Variants in RNF121 observed in about 807,000 individuals in gnomAD.
RNF121 encodes the protein ring finger protein 121, also known as E3 ubiquitin ligase RNF121.
Under a neutral mutation model 46.5 loss-of-function variants are expected in RNF121, and 21 were observed. The ratio of observed to expected loss-of-function variants is 0.45; its 90% confidence interval spans 0.32 to 0.65. The LOEUF (loss-of-function observed/expected upper bound fraction) is 0.65. Among genes scored for constraint, RNF121 ranks in the 30% least tolerant of loss-of-function variants. The pLI is 0.04. For synonymous variants in RNF121, 139 were observed against 144.7 expected (o/e 0.96, Z 0.28); for missense variants, 346 against 416.0 (o/e 0.83, Z 1.46).
intron 1 of RNF121, among the ~76,000 whole-genome samples, chr11:71,933,371 C>T (rs1953322358): frequency 1.3e-5 from 2 of 152,170 alleles, no homozygotes; most frequent in Admixed American, 6.5e-5. Context: ...GTATCCCAGC[C>T]TGCAGCTAAC....
intron 1 of RNF121, among the ~76,000 whole-genome samples, chr11:71,947,245 C>T (rs1186333765): frequency 6.6e-6 from 1 of 152,124 alleles, no homozygotes; most frequent in Non-Finnish European, 1.5e-5. Flanking sequence ...TGGTGGCTCA[C>T]ACCTGTAATC....
intron 7 of RNF121, 78 bp downstream of exon 7, chr11:71,994,930 A>G (rs1225436371): frequency 6.3e-7 from 1 of 1,590,720 alleles, no homozygotes; most frequent in Non-Finnish European, 8.6e-7. Flanking sequence ...GAGGGTGGTC[A>G]TGACCCTAGG....
chr11:71,947,151 A>C (rs1037235341), intron 1 of RNF121, among the ~76,000 whole-genome samples: 1 of 152,064 alleles, frequency 6.6e-6, no homozygotes, highest in African/African-American at 2.4e-5. Context: ...GGCTTGAGCC[A>C]CTGTGCCTGG....
At chr11:71,964,579 G>A (rs1282940415) in intron 3 of RNF121, among the ~76,000 whole-genome samples, 4 of 152,068 alleles carry the variant, frequency 2.6e-5, no homozygotes, top group Admixed American at 2.6e-4. Context: ...GCAGGCTCAG[G>A]TGATCCTCCC....
chr11:71,936,378 G>C (rs1953410348), intron 1 of RNF121, among the ~76,000 whole-genome samples: 1 of 137,254 alleles, frequency 7.3e-6, no homozygotes, highest in Non-Finnish European at 1.6e-5. Flanking sequence ...GCTCACCCTT[G>C]CTTTTTTTTC....
At chr11:71,940,675 C>T (rs965923503) in intron 1 of RNF121, among the ~76,000 whole-genome samples, 5 of 152,088 alleles carry the variant, frequency 3.3e-5, no homozygotes, top group African/African-American at 4.8e-5. Flanking sequence ...GCTGGGGACA[C>T]AAAGATGAAA....
At chr11:71,968,272 C>G (rs1954333737) in intron 3 of RNF121, among the ~76,000 whole-genome samples, 1 of 152,174 alleles carries the variant, frequency 6.6e-6, no homozygotes, top group African/African-American at 2.4e-5. Flanking sequence ...GTTGGCCAGG[C>G]TGATCTCGAA....
intron 3 of RNF121, among the ~76,000 whole-genome samples, chr11:71,981,462 A>G (rs186222097): frequency 6.6e-6 from 1 of 152,048 alleles, no homozygotes; most frequent in East Asian, 1.9e-4. Flanking sequence ...GATTTTGTTG[A>G]TGGCATCAGG....
At chr11:71,945,170 T>A (rs1295371663) in intron 1 of RNF121, among the ~76,000 whole-genome samples, 3 of 151,976 alleles carry the variant, frequency 2.0e-5, no homozygotes, top group Non-Finnish European at 2.9e-5. Context: ...AAATTTTTTG[T>A]AGAGATGGAG....
At chr11:71,949,558 C>T (rs951218229) in intron 1 of RNF121, among the ~76,000 whole-genome samples, 6 of 149,536 alleles carry the variant, frequency 4.0e-5, no homozygotes, top group Admixed American at 4.0e-4. Flanking sequence ...TGTACTAAAA[C>T]TACAAAAATT....
intron 1 of RNF121, among the ~76,000 whole-genome samples, chr11:71,956,520 A>G (rs992507529): frequency 6.6e-6 from 1 of 152,250 alleles, no homozygotes; most frequent in Non-Finnish European, 1.5e-5. Flanking sequence ...AGACTACCAA[A>G]TAGAACGAGA....
intron 1 of RNF121, among the ~76,000 whole-genome samples, chr11:71,946,961 G>A (rs1590776885): frequency 6.9e-6 from 1 of 144,718 alleles, no homozygotes; most frequent in East Asian, 2.1e-4. Flanking sequence ...TCCGCTTCCT[G>A]GGTTCCAGCA....
At position 71,959,348 on chromosome 11, in the gene RNF121, C is replaced by G. The variant is rs570151719; in HGVS notation, c.102-1402C>G. ...TGTACAGTGAACACCTTTATACTTA[C>G]CACCTGGGTTCTACACTTTTTGTTA... On this transcript the variant is annotated intron_variant, in intron 2 of 8. Transcript: ENST00000361756. Among the ~76,000 whole-genome samples the G allele has an allele frequency of 2.0e-5, 3 of 151,508 alleles. No homozygotes were observed. In the East Asian group the frequency reaches 5.9e-4, roughly 30 times the overall value.
chr11:71,994,611 G>A (rs1321663568), intron 6 of RNF121, 108 bp from the exon 7 acceptor site: 17 of 1,297,020 alleles, frequency 1.3e-5, no homozygotes, highest in South Asian at 8.0e-5. Context: ...TGGGCCTCCC[G>A]CTGCCACTGT....
chr11:71,934,572 G>A (rs1953356958), intron 1 of RNF121, among the ~76,000 whole-genome samples: 1 of 152,180 alleles, frequency 6.6e-6, no homozygotes, highest in African/African-American at 2.4e-5. Flanking sequence ...AATGTTCCTT[G>A]TTGCCAGAGA....
chr11:71,963,134 A>T (rs1954177759), intron 3 of RNF121, among the ~76,000 whole-genome samples: 1 of 152,144 alleles, frequency 6.6e-6, no homozygotes, highest in African/African-American at 2.4e-5. Context: ...ATGATTTTAA[A>T]ATATTTCCTC....
intron 1 of RNF121, among the ~76,000 whole-genome samples, chr11:71,938,495 T>C (rs1203616603): frequency 6.6e-6 from 1 of 151,908 alleles, no homozygotes; most frequent in Non-Finnish European, 1.5e-5. Flanking sequence ...AATTTTGCAT[T>C]TTTAGTAGAG....
chr11:71,992,828 A>G (rs551470815), intron 6 of RNF121, among the ~76,000 whole-genome samples: 7 of 25,528 alleles, frequency 2.7e-4, no homozygotes, highest in African/African-American at 4.7e-4. Context: ...GCAAGTAAAT[A>G]TTTCTATTTT....
Position 71,982,832 on chromosome 11 carries a change from A to G in RNF121, c.315A>G (p.Leu105=), listed in dbSNP as rs779535922. The change falls in exon 4 of 9, where the codon CTA becomes CTG. Residue 105 remains leucine, a synonymous_variant. Transcript: ENST00000361756. ...TGAAGCTGCACTGGTGGAGGTTCCT[A>G]GTGATCTGGATCTTGTTCTCTGCTG... ...FTVKLHWWRF[L]VIWILFSAVT... 1 of 1,614,006 alleles carries G rather than the reference A, an allele frequency of 6.2e-7. No homozygotes were observed. Among genetic ancestry groups the G allele is most frequent in the Non-Finnish European group, 8.5e-7 (1 of 1,179,946 alleles).
Sources: allele counts gnomAD v4.1 joint callset (sites outside exome capture counted in the v4.1 genomes callset), GRCh38; gene constraint gnomAD v4.1.1; transcripts MANE v1.5; gene names NCBI Gene and HGNC (gene_info 2026-07-23, HGNC 2026-07-21).